RYR3: variants seen among roughly 807,000 people sequenced by gnomAD.
RYR3 encodes the protein brain ryanodine receptor-calcium release channel.
In RYR3, 207 loss-of-function variants were observed where a neutral mutation model predicts 584.3. The observed-to-expected ratio is 0.35, with a 90% confidence interval of 0.32 to 0.40. The LOEUF is 0.40. RYR3 is among the 10% of genes least tolerant of loss of function. The pLI is 1.00. For missense variants in RYR3, 5,616 were observed against 6,089.2 expected, an observed-to-expected ratio of 0.92 and a Z score of 2.59; for synonymous variants, 2,416 against 2,248.5, an observed-to-expected ratio of 1.07 and a Z score of -2.11.
intron 10 of RYR3, among the ~76,000 whole-genome samples, chr15:33,557,377 CTATTTTT>C (rs2057135039): frequency 6.6e-6 from 1 of 152,142 alleles, no homozygotes; most frequent in Admixed American, 6.5e-5. Flanking sequence ...TCTAGTTTCT[CTATTTTT>C]TATTTTTTAT....
chr15:33,826,928 T>G (rs2077405687), intron 84 of RYR3, among the ~76,000 whole-genome samples, 176 bp downstream of exon 84: 1 of 152,234 alleles, frequency 6.6e-6, no homozygotes, highest in South Asian at 2.1e-4. Flanking sequence ...CCACCAAGGC[T>G]AAGCTGCTTC....
intron 86 of RYR3, among the ~76,000 whole-genome samples, chr15:33,832,656 CAAA>C (rs34289866): frequency 3.6e-5 from 4 of 112,202 alleles, no homozygotes; most frequent in African/African-American, 3.5e-5. Flanking sequence ...GACTCTGTCT[CAAA>C]AAAAAAAAAA....
intron 16 of RYR3, among the ~76,000 whole-genome samples, chr15:33,587,173 G>A (rs1300078770): frequency 1.3e-5 from 2 of 152,148 alleles, no homozygotes; most frequent in Non-Finnish European, 2.9e-5. Context: ...AGAAATACAT[G>A]GGATCTGAAA....
At chr15:33,493,908 C>A (rs879624722) in intron 2 of RYR3, among the ~76,000 whole-genome samples, 19 of 151,838 alleles carry the variant, frequency 1.3e-4, no homozygotes, top group Non-Finnish European at 2.5e-4. Context: ...CAGAGAGAGA[C>A]CTTGTCTCAA....
At chr15:33,488,586 G>A (rs562782816) in intron 2 of RYR3, among the ~76,000 whole-genome samples, 16 of 152,114 alleles carry the variant, frequency 1.1e-4, no homozygotes, top group African/African-American at 1.4e-4. Context: ...GGGCATGGTG[G>A]CTGATGCCTG....
chr15:33,477,877 GAAAAAAAAAAAAAAA>G (rs58200056), intron 2 of RYR3, among the ~76,000 whole-genome samples: 2 of 62,626 alleles, frequency 3.2e-5, no homozygotes, highest in Admixed American at 4.0e-4. Context: ...TCTGTCTCAA[GAAAAAAAAAAAAAAA>G]AAAAAAAAAA....
At chr15:33,784,391 C>T (rs1385471088) in intron 65 of RYR3, among the ~76,000 whole-genome samples, 1 of 152,206 alleles carries the variant, frequency 6.6e-6, no homozygotes, top group Non-Finnish European at 1.5e-5. Context: ...ATCCCAATGG[C>T]AAAGGGCCTT....
intron 10 of RYR3, among the ~76,000 whole-genome samples, chr15:33,559,985 T>C (rs2057314898): frequency 6.6e-6 from 1 of 152,194 alleles, no homozygotes; most frequent in African/African-American, 2.4e-5. Context: ...ATAAGAACTT[T>C]AGAGATAATA....
chr15:33,683,261 T>A (rs934789997), intron 38 of RYR3, among the ~76,000 whole-genome samples: 3 of 152,134 alleles, frequency 2.0e-5, no homozygotes, highest in Non-Finnish European at 4.4e-5. Flanking sequence ...CCCAAAGTGC[T>A]GGGATTACAG....
At chr15:33,592,503 G>GGTAA (rs2059178949) in intron 16 of RYR3, among the ~76,000 whole-genome samples, 1 of 152,212 alleles carries the variant, frequency 6.6e-6, no homozygotes, top group Admixed American at 6.5e-5. Context: ...GTGGAAGGAA[G>GGTAA]GTAAGGATGG....
At chr15:33,439,280 C>T (rs919115411) in intron 1 of RYR3, among the ~76,000 whole-genome samples, 2 of 152,132 alleles carry the variant, frequency 1.3e-5, no homozygotes, top group African/African-American at 4.8e-5. Context: ...AGTCTTTTTC[C>T]CATATTGCAC....
chr15:33,494,659 CAG>C (rs1491339426), intron 2 of RYR3, among the ~76,000 whole-genome samples: 2 of 151,582 alleles, frequency 1.3e-5, no homozygotes, highest in Non-Finnish European at 2.9e-5. Context: ...CCCCACCTCC[CAG>C]AAAAAAGAAT....
At chr15:33,841,276 C>T (rs1307585008) in intron 90 of RYR3, among the ~76,000 whole-genome samples, 3 of 152,122 alleles carry the variant, frequency 2.0e-5, no homozygotes, top group Non-Finnish European at 2.9e-5. Flanking sequence ...GATATTCTGT[C>T]GCTATAGTAA....
chr15:33,333,125 C>T (rs976909308), intron 1 of RYR3, among the ~76,000 whole-genome samples: 1 of 149,790 alleles, frequency 6.7e-6, no homozygotes, highest in African/African-American at 2.5e-5. Context: ...TGAATTCTGC[C>T]AGATGTACAA....
At chr15:33,697,095 T>A (rs958598963) in intron 39 of RYR3, among the ~76,000 whole-genome samples, 6 of 152,236 alleles carry the variant, frequency 3.9e-5, no homozygotes, top group African/African-American at 1.4e-4. Context: ...AGCCTACAGT[T>A]TTACTTTATT....
At position 33,601,527 on chromosome 15, in the gene RYR3, A is replaced by G. The variant is rs1163157783; in HGVS notation, c.1897A>G (p.Thr633Ala). 2 of 1,613,816 alleles carry G rather than the reference A, an allele frequency of 1.2e-6. No individual in the cohort carries two copies. Among genetic ancestry groups the G allele is most frequent in the Non-Finnish European group, 1.7e-6 (2 of 1,179,818 alleles). ...LLPRRNLLLQ[T>A]RLINDVTSIR... ...GCCCCGGAGAAACCTACTCCTGCAG[A>G]CACGACTGATTAACGATGTAACCAG... The change falls in exon 17 of 104, where the codon ACA becomes GCA. Residue 633 changes from threonine to alanine, a missense_variant. Thr to Ala is a moderately conservative substitution (Grantham distance 58). Coordinates refer to ENST00000634891, the MANE Select transcript of RYR3 (RefSeq NM_001036.6).
intron 27 of RYR3, among the ~76,000 whole-genome samples, chr15:33,641,863 C>G (rs1001200691): frequency 6.6e-6 from 1 of 152,198 alleles, no homozygotes; most frequent in Non-Finnish European, 1.5e-5. Flanking sequence ...ACTTTACTCT[C>G]TAGTGAATGC....
chr15:33,371,049 A>C (rs540140836), intron 1 of RYR3, among the ~76,000 whole-genome samples: 2 of 152,368 alleles, frequency 1.3e-5, no homozygotes, highest in African/African-American at 4.8e-5. Flanking sequence ...GAATGGGCCC[A>C]AGACAAATCA....
In RYR3 at chr15:33,701,572, T is replaced by C. The variant is rs144534499; in HGVS notation, c.6483+492T>C. Among the ~76,000 whole-genome samples the C allele has an allele frequency of 3.1e-3, 468 of 152,164 alleles. 5 individuals carry two copies. Among genetic ancestry groups the C allele is most frequent in the African/African-American group, 0.011 (445 of 41,526 alleles). The stretch of plus-strand genomic sequence containing the variant: ...TACGTCTTTTCCCCATCCCTTTCTT[T>C]AAATGATGTCCTTGACCGGAGGGCT... On this transcript the variant is annotated intron_variant, in intron 42 of 103. Coordinates refer to ENST00000634891, the MANE Select transcript of RYR3 (RefSeq NM_001036.6).
Sources: gnomAD v4.1 joint callset for allele counts (sites outside exome capture counted in the v4.1 genomes callset) on GRCh38, gnomAD v4.1.1 for gene constraint, MANE v1.5 for transcripts, NCBI Gene and HGNC (gene_info 2026-07-23, HGNC 2026-07-21) for gene names.